The following KCNQ3 variants were observed in gnomAD, a reference collection of about 807,000 sequenced individuals.
KCNQ3 encodes the protein potassium voltage-gated channel subfamily KQT member 3.
Under a neutral mutation model 92.5 loss-of-function variants are expected in KCNQ3, and 30 were observed. The ratio of observed to expected loss-of-function variants is 0.32; its 90% CI spans 0.24 to 0.44. The LOEUF (loss-of-function observed/expected upper bound fraction) is 0.44. KCNQ3 is among the 20% of genes least tolerant of loss of function. The pLI is 1.00. For synonymous variants in KCNQ3, 450 were observed against 468.8 expected (o/e 0.96, Z 0.52); for missense variants, 913 against 1,140.3 (o/e 0.80, Z 2.87).
At chr8:132,145,192 A>C (rs1185161105) in intron 9 of KCNQ3, among the ~76,000 whole-genome samples, 1 of 152,208 alleles carries the variant, frequency 6.6e-6, no homozygotes, top group Non-Finnish European at 1.5e-5. Flanking sequence ...GAGGTTGAAA[A>C]ACTGAATGGT....
intron 1 of KCNQ3, among the ~76,000 whole-genome samples, chr8:132,476,325 C>T (rs143766811): frequency 0.011 from 1,675 of 152,316 alleles, 13 homozygotes; most frequent in Middle Eastern, 0.014. Flanking sequence ...AGAGGGCCAC[C>T]GTCCTCCAGA....
At chr8:132,134,161 CTCTT>C in intron 13 of KCNQ3, 125 bp downstream of exon 13, 1 of 752,096 alleles carries the variant, frequency 1.3e-6, no homozygotes, top group Non-Finnish European at 2.4e-6. Context: ...AAGCTTCAAA[CTCTT>C]TCTTCATTTT....
intron 1 of KCNQ3, among the ~76,000 whole-genome samples, chr8:132,361,604 A>T (rs1819174061): frequency 6.6e-6 from 1 of 152,226 alleles, no homozygotes; most frequent in Non-Finnish European, 1.5e-5. Context: ...AAGAAAAGAA[A>T]AATAAAATGA....
At chr8:132,178,755 G>A (rs1175866343) in intron 4 of KCNQ3, among the ~76,000 whole-genome samples, 2 of 151,766 alleles carry the variant, frequency 1.3e-5, no homozygotes, top group Non-Finnish European at 2.9e-5. Flanking sequence ...GGTATGTTCT[G>A]GAGCTGTCCA....
intron 1 of KCNQ3, among the ~76,000 whole-genome samples, chr8:132,451,019 T>C (rs891181904): frequency 1.3e-5 from 2 of 152,208 alleles, no homozygotes; most frequent in Non-Finnish European, 2.9e-5. Context: ...AGATCAGTAA[T>C]ATGGTTTGGC....
chr8:132,142,177 T>G (rs1825318295), intron 9 of KCNQ3, among the ~76,000 whole-genome samples: 1 of 152,186 alleles, frequency 6.6e-6, no homozygotes, highest in Non-Finnish European at 1.5e-5. Context: ...GTTTATAGAT[T>G]CAAAATTATT....
chr8:132,466,530 G>A (rs1288493346), intron 1 of KCNQ3, among the ~76,000 whole-genome samples: 1 of 152,146 alleles, frequency 6.6e-6, no homozygotes, highest in Non-Finnish European at 1.5e-5. Context: ...GGCTGTTCTA[G>A]ATGGCATTCC....
At chr8:132,429,725 G>T (rs2130822120) in intron 1 of KCNQ3, among the ~76,000 whole-genome samples, 1 of 152,114 alleles carries the variant, frequency 6.6e-6, no homozygotes, top group Admixed American at 6.5e-5. Context: ...AGCCAGGCGT[G>T]GTGGCAGATG....
chr8:132,330,529 AGTCTGTGACTTTGCCCTCC>A (rs2130659564), intron 1 of KCNQ3, among the ~76,000 whole-genome samples: 1 of 152,204 alleles, frequency 6.6e-6, no homozygotes, highest in South Asian at 2.1e-4. Flanking sequence ...GGGGGACTCT[AGTCTGTGACTTTGCCCTCC>A]ACTCCTGGGC....
At chr8:132,370,040 C>G (rs939603329) in intron 1 of KCNQ3, among the ~76,000 whole-genome samples, 2 of 152,168 alleles carry the variant, frequency 1.3e-5, no homozygotes, top group Non-Finnish European at 2.9e-5. Context: ...GTGGAAACCT[C>G]TGCTGTCTCC....
intron 1 of KCNQ3, among the ~76,000 whole-genome samples, chr8:132,394,267 T>C (rs1820133025): frequency 6.6e-6 from 1 of 152,142 alleles, no homozygotes. Context: ...GGAGAGAGCA[T>C]GGGATTTCCT....
chr8:132,295,654 T>C (rs1816996597), intron 1 of KCNQ3, among the ~76,000 whole-genome samples: 2 of 152,122 alleles, frequency 1.3e-5, no homozygotes, highest in African/African-American at 2.4e-5. Context: ...CAATGACAGA[T>C]TGGATAAAGA....
At chr8:132,289,333 G>T (rs746110121) in intron 1 of KCNQ3, among the ~76,000 whole-genome samples, 26 of 152,308 alleles carry the variant, frequency 1.7e-4, no homozygotes, top group Non-Finnish European at 3.4e-4. Context: ...TATGGCTGCT[G>T]TAACAAGTTA....
chr8:132,315,158 G>T lies in KCNQ3; in HGVS notation c.387-128977C>A, dbSNP rs1159944276. The stretch of plus-strand genomic sequence containing the variant: ...AGAGAAGTGGGAGAAATGAGAAATT[G>T]AATATATTTAGGAGGCTGATATAAT... On this transcript the variant is annotated intron_variant, in intron 1 of 14. Transcript: ENST00000388996. Among the ~76,000 whole-genome samples the T allele has an allele frequency of 2.0e-5, 3 of 152,270 alleles. No individual in the cohort carries two copies. In the East Asian group the frequency reaches 5.8e-4, roughly 29 times the overall value.
intron 1 of KCNQ3, among the ~76,000 whole-genome samples, chr8:132,310,798 C>A (rs1817572123): frequency 6.6e-6 from 1 of 152,154 alleles, no homozygotes; most frequent in Non-Finnish European, 1.5e-5. Context: ...CAAACTATAT[C>A]CGAATAAATC....
At chr8:132,455,619 G>C (rs996681867) in intron 1 of KCNQ3, among the ~76,000 whole-genome samples, 7 of 152,218 alleles carry the variant, frequency 4.6e-5, no homozygotes, top group African/African-American at 1.7e-4. Flanking sequence ...CATCACCACT[G>C]TCCTCGTCAT....
intron 1 of KCNQ3, among the ~76,000 whole-genome samples, chr8:132,314,376 CTG>C (rs913058889): frequency 2.6e-5 from 4 of 152,138 alleles, no homozygotes; most frequent in Non-Finnish European, 4.4e-5. Flanking sequence ...AAAAGACTAA[CTG>C]TGAAGATTTT....
chr8:132,327,809 G>A (rs913821503), intron 1 of KCNQ3, among the ~76,000 whole-genome samples: 1 of 152,184 alleles, frequency 6.6e-6, no homozygotes, highest in Non-Finnish European at 1.5e-5. Flanking sequence ...AAATGTGTGG[G>A]CTGGGGGTCC....
chr8:132,438,618 A>T (rs962198739), intron 1 of KCNQ3, among the ~76,000 whole-genome samples: 1 of 151,814 alleles, frequency 6.6e-6, no homozygotes, highest in Admixed American at 6.6e-5. Flanking sequence ...GTGATGATGG[A>T]TGGTGGTCAG....
Sources: allele counts gnomAD v4.1 joint callset (sites outside exome capture counted in the v4.1 genomes callset), GRCh38; gene constraint gnomAD v4.1.1; transcripts MANE v1.5; gene names NCBI Gene and HGNC (gene_info 2026-07-23, HGNC 2026-07-21).